The following EFCAB6 variants were observed in gnomAD, a reference collection of about 807,000 sequenced individuals.
EFCAB6 encodes the protein EF-hand calcium-binding domain-containing protein 6.
In EFCAB6, 156 loss-of-function variants were observed where a neutral mutation model predicts 169.8. The ratio of observed to expected loss-of-function variants is 0.92; its 90% confidence interval spans 0.81 to 1.05. EFCAB6 has a LOEUF of 1.05. EFCAB6 is among the 50% of genes least tolerant of loss of function. The pLI is 0.00. For synonymous variants in EFCAB6, 698 were observed against 676.4 expected (o/e 1.03, Z -0.50); for missense variants, 1,800 against 1,829.1 (o/e 0.98, Z 0.29).
At chr22:43,701,461 G>A (rs137814) in intron 10 of EFCAB6, among the ~76,000 whole-genome samples, 36,152 of 152,012 alleles carry the variant, frequency 0.24, 4,442 homozygotes, top group Middle Eastern at 0.27. Context: ...TAAAAAGGCA[G>A]TTGGTTGGAC....
Position 43,773,056 on chromosome 22 carries a change from T to A in EFCAB6, c.187A>T (p.Ile63Phe). 1 of 1,614,216 alleles carries A rather than the reference T, an allele frequency of 6.2e-7. No homozygotes were observed. The highest frequency in any genetic ancestry group is 8.5e-7 in the Non-Finnish European group (1 of 1,180,038). Residue 63 changes from isoleucine (I) to phenylalanine (F), a missense_variant, in exon 4 of 32, where the codon ATT (isoleucine) becomes TTT (phenylalanine). By Grantham distance (21) the Ile-to-Phe change is conservative. Transcript: ENST00000262726. The stretch of plus-strand genomic sequence containing the variant: ...CTGTCGGTAATTTTTTGAAATAAAA[T>A]CCGTTTAACATCTAAGGAGGACAGT... The part of the protein sequence containing the change: ...PTLSSLDVKR[I>F]LFQKITDRGD...
chr22:43,761,887 A>G (rs2061175068), intron 5 of EFCAB6, among the ~76,000 whole-genome samples: 1 of 151,790 alleles, frequency 6.6e-6, no homozygotes, highest in Non-Finnish European at 1.5e-5. Flanking sequence ...CAATATTTCG[A>G]GTGTTTGGAG....
Position 43,741,340 on chromosome 22 carries a change from T to C in EFCAB6, c.508-5347A>G, listed in dbSNP as rs367812774. Among the ~76,000 whole-genome samples, 38 of 152,282 alleles carry C rather than the reference T, an allele frequency of 2.5e-4. No individual in the cohort carries two copies. In the East Asian group the frequency reaches 7.4e-3, roughly 30 times the overall value. ...TGACCCCTGCTTTATCTGCCCCTTT[T>C]CACTCTGCCTCAGTTATGGGGCCTC... On this transcript the variant is annotated intron_variant, in intron 6 of 31. Transcript: ENST00000262726.
At chr22:43,656,115 G>A (rs994485166) in intron 17 of EFCAB6, among the ~76,000 whole-genome samples, 3 of 152,164 alleles carry the variant, frequency 2.0e-5, no homozygotes, top group Non-Finnish European at 4.4e-5. Flanking sequence ...AAGGGGCCGG[G>A]TGCAGTGGCT....
intron 22 of EFCAB6, among the ~76,000 whole-genome samples, chr22:43,605,317 C>T (rs909396649): frequency 2.6e-5 from 4 of 152,150 alleles, no homozygotes; most frequent in Admixed American, 2.0e-4. Flanking sequence ...AAACTGACCC[C>T]TTCCTTGCTC....
chr22:43,804,568 G>A (rs1176814613), intron 2 of EFCAB6, among the ~76,000 whole-genome samples: 1 of 152,078 alleles, frequency 6.6e-6, no homozygotes, highest in Non-Finnish European at 1.5e-5. Flanking sequence ...AAACCAGCCT[G>A]GGCAATATGG....
At chr22:43,781,882 A>G (rs1198246041) in intron 3 of EFCAB6, among the ~76,000 whole-genome samples, 1 of 152,186 alleles carries the variant, frequency 6.6e-6, no homozygotes, top group Non-Finnish European at 1.5e-5. Context: ...AAAAAAATTA[A>G]GTCTACTAAT....
chr22:43,570,568 G>GCT (rs1442613319), intron 26 of EFCAB6, among the ~76,000 whole-genome samples: 2 of 151,854 alleles, frequency 1.3e-5, no homozygotes, highest in Admixed American at 1.3e-4. Flanking sequence ...CCCAGTTTGT[G>GCT]GGAATCTCAT....
At position 43,628,723 on chromosome 22, in the gene EFCAB6, C is replaced by G. The variant is rs2054706870; in HGVS notation, c.2233-2044G>C. On this transcript the variant is annotated intron_variant, in intron 19 of 31. Coordinates refer to ENST00000262726, the MANE Select transcript of EFCAB6 (RefSeq NM_022785.4). This position sits in a 1 kb window ranked among gnomAD's most constrained non-coding sequence, Gnocchi z 4.8. ...CCTTCATGACTGTGTCTGAGTGTCC[C>G]CTCTCCAGAGAGGCACTTCCTGACT... Among the ~76,000 whole-genome samples the G allele has an allele frequency of 6.6e-6, 1 of 152,174 alleles. No individual in the cohort carries two copies. The highest frequency in any genetic ancestry group is 1.5e-5 in the Non-Finnish European group (1 of 68,026).
At chr22:43,695,114 A>C (rs2058526653) in intron 10 of EFCAB6, among the ~76,000 whole-genome samples, 1 of 151,870 alleles carries the variant, frequency 6.6e-6, no homozygotes, top group Non-Finnish European at 1.5e-5. Flanking sequence ...GAAATCTACA[A>C]CAAAAGGTCT....
rs961387396 is a variant in EFCAB6, at chr22:43,735,837, C to T, written c.644+20G>A. On this transcript the variant is annotated intron_variant, in intron 7 of 31. Coordinates refer to ENST00000262726, the MANE Select transcript of EFCAB6 (RefSeq NM_022785.4). ...AAAAGTTCTACTGAGCAATCTCTCACCGTGCCTTCATTTGCTTACTTTTCG... is the reference window on the plus strand; with the variant it reads ...AAAAGTTCTACTGAGCAATCTCTCATCGTGCCTTCATTTGCTTACTTTTCG... 6.2e-7 allele frequency: 1 copy of T among 1,611,552 alleles called. No individual in the cohort carries two copies. The highest frequency in any genetic ancestry group is 8.5e-7 in the Non-Finnish European group (1 of 1,179,290).
chr22:43,645,313 A>G (rs1250276576), intron 17 of EFCAB6, among the ~76,000 whole-genome samples: 3 of 152,256 alleles, frequency 2.0e-5, no homozygotes, highest in African/African-American at 4.8e-5. Context: ...ATTAAAGTGC[A>G]TGTCATTTCT....
intron 17 of EFCAB6, among the ~76,000 whole-genome samples, chr22:43,651,169 T>G (rs887296839): frequency 6.6e-5 from 10 of 152,160 alleles, no homozygotes; most frequent in Non-Finnish European, 1.5e-4. Flanking sequence ...GCCCCTCCCA[T>G]CACAGGCCTG....
At chr22:43,576,591 G>T in intron 25 of EFCAB6, 103 bp from the exon 26 acceptor site, 1 of 940,986 alleles carries the variant, frequency 1.1e-6, no homozygotes. Flanking sequence ...ATGAAGCCTA[G>T]TGTATAAAAG....
intron 27 of EFCAB6, chr22:43,553,916 C>T (rs1241293877): frequency 6.5e-6 from 1 of 152,704 alleles, no homozygotes; most frequent in Admixed American, 6.5e-5. Flanking sequence ...TGTGTCCAGC[C>T]TGTGCACAGT....
At chr22:43,692,026 G>A (rs1197465549) in intron 10 of EFCAB6, among the ~76,000 whole-genome samples, 1 of 152,076 alleles carries the variant, frequency 6.6e-6, no homozygotes, top group East Asian at 1.9e-4. Context: ...AAAACTAGAA[G>A]ACTAATCCCA....
chr22:43,555,847 C>G (rs929269128), intron 26 of EFCAB6, among the ~76,000 whole-genome samples: 3 of 152,180 alleles, frequency 2.0e-5, no homozygotes, highest in Non-Finnish European at 4.4e-5. Context: ...CAGAGATTTC[C>G]TGGGAGGAGG....
At chr22:43,736,963 C>T (rs1265045822) in intron 6 of EFCAB6, among the ~76,000 whole-genome samples, 4 of 152,000 alleles carry the variant, frequency 2.6e-5, no homozygotes, top group Admixed American at 1.3e-4. Context: ...CCCCTGAGCT[C>T]CGGCCTCCCT....
At chr22:43,736,117 T>A in intron 6 of EFCAB6, 124 bp from the exon 7 acceptor site, 2 of 919,816 alleles carry the variant, frequency 2.2e-6, no homozygotes, top group Non-Finnish European at 3.0e-6. Context: ...AGACTCACAG[T>A]GGTAGGCATG....
Sources: allele counts gnomAD v4.1 joint callset (sites outside exome capture counted in the v4.1 genomes callset), GRCh38; gene constraint gnomAD v4.1.1; non-coding constraint Gnocchi (gnomAD v3.1); transcripts MANE v1.5; gene names NCBI Gene and HGNC (gene_info 2026-07-23, HGNC 2026-07-21).